Variants in TTC4 observed in about 807,000 individuals in gnomAD.
TTC4 encodes tetratricopeptide repeat domain 4.
In TTC4, 36 loss-of-function variants were observed where a neutral mutation model predicts 51.9. That is an observed-to-expected ratio of 0.69 (90% CI 0.53 to 0.92). The LOEUF (loss-of-function observed/expected upper bound fraction) is 0.92, where lower values mean the gene tolerates loss of function less well. Among genes scored for constraint, TTC4 ranks in the 40% least tolerant of loss-of-function variants. TTC4 has a pLI of 0.00. For synonymous variants in TTC4, 144 were observed against 164.2 expected, an observed-to-expected ratio of 0.88 and a Z score of 0.94; for missense variants, 399 against 454.6, an observed-to-expected ratio of 0.88 and a Z score of 1.11.
At chr1:54,720,348 A>T (rs542689865) in intron 3 of TTC4, among the ~76,000 whole-genome samples, 60 of 152,202 alleles carry the variant, frequency 3.9e-4, no homozygotes, top group African/African-American at 1.4e-3. Context: ...ATACTAAACC[A>T]TTAAGTAATA....
chr1:54,726,457 TA>T (rs1645800676), intron 5 of TTC4, among the ~76,000 whole-genome samples: 1 of 152,244 alleles, frequency 6.6e-6, no homozygotes, highest in South Asian at 2.1e-4. Flanking sequence ...AGGGATCCAC[TA>T]AAAAACTCTT....
At chr1:54,726,653 CA>C (rs1196750823) in intron 5 of TTC4, among the ~76,000 whole-genome samples, 5 of 151,988 alleles carry the variant, frequency 3.3e-5, no homozygotes, top group African/African-American at 1.2e-4. Flanking sequence ...TCTAAAAATA[CA>C]AAAAACATTG....
chr1:54,731,619 G>A lies in TTC4; in HGVS notation c.815G>A (p.Gly272Asp). 6.2e-7 allele frequency: 1 copy of A among 1,614,124 alleles called. No homozygotes were observed. Among genetic ancestry groups the A allele is most frequent in the South Asian group, 1.1e-5 (1 of 91,076 alleles). ...HGARLSLDGQGRLSWPVLFLY... is the reference protein window; with the variant it reads ...HGARLSLDGQDRLSWPVLFLY... Reference sequence around the variant, plus strand: ...GCCAGGCTGAGTCTAGATGGCCAGGGCAGGCTGAGCTGGCCTGTGCTCTTT... The same window carrying A: ...GCCAGGCTGAGTCTAGATGGCCAGGACAGGCTGAGCTGGCCTGTGCTCTTT... Residue 272 changes from glycine (G) to aspartate (D), a missense_variant, in exon 7 of 10, where the codon GGC (glycine) becomes GAC (aspartate). Gly to Asp is a moderately conservative substitution (Grantham distance 94, BLOSUM62 -1). Transcript: ENST00000371281.
At chr1:54,717,995 G>A (rs1421490125) in intron 3 of TTC4, among the ~76,000 whole-genome samples, 1 of 152,164 alleles carries the variant, frequency 6.6e-6, no homozygotes, top group Admixed American at 6.5e-5. Context: ...AAGGATGCTA[G>A]CAGGAGTAAG....
chr1:54,717,839 G>A (rs1340094883), intron 3 of TTC4, 186 bp downstream of exon 3: 1 of 509,960 alleles, frequency 2.0e-6, no homozygotes, highest in African/African-American at 2.0e-5. Context: ...GATGGATTGT[G>A]TAATTCTTAC....
intron 4 of TTC4, 93 bp downstream of exon 4, chr1:54,721,333 A>G: frequency 1.6e-6 from 2 of 1,261,324 alleles, no homozygotes; most frequent in Non-Finnish European, 2.2e-6. Context: ...CAGTCTGGGT[A>G]TTAAGTTCCT....
chr1:54,728,584 C>G (rs1645828161), intron 6 of TTC4, 152 bp downstream of exon 6: 3 of 741,046 alleles, frequency 4.0e-6, no homozygotes, highest in Non-Finnish European at 6.3e-6. Flanking sequence ...AGACCAGGCT[C>G]TGGAGTCAGG....
intron 5 of TTC4, among the ~76,000 whole-genome samples, chr1:54,727,273 C>G (rs937714112): frequency 6.6e-5 from 10 of 152,054 alleles, no homozygotes; most frequent in Non-Finnish European, 1.3e-4. Flanking sequence ...ATCTTTTCAA[C>G]AAAGGATAGT....
In TTC4 at chr1:54,731,570, C is replaced by T. The variant is rs1557749582; in HGVS notation, c.766C>T (p.Leu256Phe). Reference protein sequence around the residue: ...EGLGELFLDGLSTENPHGARL... With the variant: ...EGLGELFLDGFSTENPHGARL... ...TCTAGGTGAGCTTTTCCTGGATGGA[C>T]TCAGCACTGAGAACCCCCATGGAGC... Residue 256 changes from leucine (L) to phenylalanine (F), a missense_variant, in exon 7 of 10, where the codon CTC becomes TTC. Physicochemically the swap from Leu to Phe is conservative, Grantham distance 22. This residue lies in a region of TTC4 where 316 missense variants were observed against 349.6 expected (regional missense o/e 0.90). Transcript: ENST00000371281. 1 of 1,614,082 alleles carries T rather than the reference C, an allele frequency of 6.2e-7. No individual in the cohort carries two copies. The highest frequency in any genetic ancestry group is 8.5e-7 in the Non-Finnish European group (1 of 1,180,012).
At chr1:54,734,779 T>C (rs1645914780) in intron 8 of TTC4, among the ~76,000 whole-genome samples, 1 of 152,198 alleles carries the variant, frequency 6.6e-6, no homozygotes, top group African/African-American at 2.4e-5. Flanking sequence ...AAGAATTACC[T>C]TTTTCTAACA....
rs184336645 is a variant in TTC4 at position 54,725,400 on chromosome 1, C to T, written c.594+2601C>T. Among the ~76,000 whole-genome samples the T allele has an allele frequency of 5.2e-3, 788 of 152,218 alleles. 6 individuals are homozygous for T. The highest frequency in any genetic ancestry group is 0.021 in the South Asian group (100 of 4,822). ...GGGGAATGAAATTCTGTGGGGGCTC[C>T]GAAAAGCTCCAGTATTCCTGAAGAT... On this transcript the variant is annotated intron_variant, in intron 5 of 9. Coordinates refer to ENST00000371281, the MANE Select transcript of TTC4 (RefSeq NM_004623.5).
intron 5 of TTC4, among the ~76,000 whole-genome samples, chr1:54,725,574 A>G (rs531450363): frequency 6.6e-6 from 1 of 152,374 alleles, no homozygotes; most frequent in Non-Finnish European, 1.5e-5. Context: ...GTGCTTCAAC[A>G]TGTACACAAA....
intron 2 of TTC4, among the ~76,000 whole-genome samples, chr1:54,717,194 A>C (rs1358310085): frequency 6.6e-6 from 1 of 152,234 alleles, no homozygotes; most frequent in Non-Finnish European, 1.5e-5. Flanking sequence ...TGATTTCTTC[A>C]GTGATTAAAA....
intron 8 of TTC4, among the ~76,000 whole-genome samples, chr1:54,736,223 AAGAGG>A (rs1475934611): frequency 1.0e-4 from 9 of 87,736 alleles, no homozygotes; most frequent in Non-Finnish European, 1.8e-4. Flanking sequence ...AGAGAGAGAG[AAGAGG>A]AGAGGAGAGA....
rs370115324 is a variant in TTC4 at position 54,737,618 on chromosome 1, C to T, written c.1015C>T (p.Arg339Trp). ...FEDEDRAELYRVPAKSTLLQV... is the reference protein window; with the variant it reads ...FEDEDRAELYWVPAKSTLLQV... ...GGATGAGGACAGGGCAGAACTATACCGGGTGCCTGCCAAGAGCACCTTGCT... is the reference window on the plus strand; with the variant it reads ...GGATGAGGACAGGGCAGAACTATACTGGGTGCCTGCCAAGAGCACCTTGCT... The change falls in exon 9 of 10, where the codon CGG (arginine) becomes TGG (tryptophan). Residue 339 changes from arginine (R) to tryptophan (W), a missense_variant. Transcript: ENST00000371281. 187 of 1,613,364 alleles carry T rather than the reference C, an allele frequency of 1.2e-4. No homozygotes were observed. Among genetic ancestry groups the T allele is most frequent in the Non-Finnish European group, 1.4e-4 (169 of 1,180,040 alleles).
chr1:54,721,229 CAAT>C lies in TTC4; in HGVS notation c.464_466del (p.Ile155del), dbSNP rs756444446. 3.1e-6 allele frequency: 5 copies of C among 1,613,108 alleles called. No individual in the cohort carries two copies. Among genetic ancestry groups the C allele is most frequent in the Admixed American group, 1.7e-5 (1 of 59,984 alleles). Reference sequence around the variant, plus strand: ...AAGCTAAAACCCTGCCACCTCAAAGCAATAATAAGAGGTAAGTCTTGTGGAACT... The same window carrying C: ...AAGCTAAAACCCTGCCACCTCAAAGCAATAAGAGGTAAGTCTTGTGGAACT... On this transcript the variant is annotated inframe_deletion, in exon 4 of 10. Transcript: ENST00000371281.
In TTC4 at chr1:54,728,381, GAAAGA is replaced by G; in HGVS notation, c.637_641del (p.Lys213GlyfsTer6). Reference sequence around the variant, plus strand: ...AGAGGGATGTGAGGAAAGCCAACTTGAAAGAAAAGAAGGAGAGGAATCAGAATGAG... The same window carrying G: ...AGAGGGATGTGAGGAAAGCCAACTTGAAAGAAGGAGAGGAATCAGAATGAG... On this transcript the variant is annotated frameshift_variant, in exon 6 of 10. Transcript: ENST00000371281. LOFTEE classifies it high-confidence loss of function. 6.2e-7 allele frequency: 1 copy of G among 1,613,222 alleles called. No homozygotes were observed. The highest frequency in any genetic ancestry group is 8.5e-7 in the Non-Finnish European group (1 of 1,179,450).
chr1:54,715,982 C>G lies in TTC4; in HGVS notation c.74C>G (p.Pro25Arg). 6.2e-7 allele frequency: 1 copy of G among 1,601,438 alleles called. No homozygotes were observed. Among genetic ancestry groups the G allele is most frequent in the Non-Finnish European group, 8.5e-7 (1 of 1,174,134 alleles). ...TTCCTGGAAAAGTTCCAGAGCCAGC[C>G]TTACCGTGGCGGCTTTCATGAGGAC... is the stretch of plus-strand genomic sequence containing the variant. ...DSFLEKFQSQPYRGGFHEDQW... is the reference protein window; with the variant it reads ...DSFLEKFQSQRYRGGFHEDQW... Residue 25 changes from proline (P) to arginine (R), a missense_variant, in exon 1 of 10, where the codon CCT becomes CGT. Physicochemically the swap from Pro to Arg is moderately radical, Grantham distance 103. Transcript: ENST00000371281.
Position 54,732,044 on chromosome 1 carries a change from TATAG to T in TTC4, c.896+346_896+349del, listed in dbSNP as rs560120115. ...AGTGAATATTAATTAGAAAAAAAAA[TATAG>T]AGGCTGGGCGCTGTGGCTTATGCCT... On this transcript the variant is annotated intron_variant, in intron 7 of 9. Coordinates refer to ENST00000371281, the MANE Select transcript of TTC4 (RefSeq NM_004623.5). Among the ~76,000 whole-genome samples, 53 of 151,894 alleles carry T rather than the reference TATAG, an allele frequency of 3.5e-4. 1 individual carries two copies. The South Asian group carries it at 0.01, about 29-fold the overall frequency.
Sources: gnomAD v4.1 joint callset for allele counts (sites outside exome capture counted in the v4.1 genomes callset) on GRCh38, gnomAD v4.1.1 for gene constraint, gnomAD v4.1.1 regional missense constraint, MANE v1.5 for transcripts, NCBI Gene and HGNC (gene_info 2026-07-23, HGNC 2026-07-21) for gene names.